Variants in NUP107 observed in about 807,000 individuals in gnomAD.
The protein encoded by NUP107 is nucleoporin 107, also known as nuclear pore complex protein Nup107.
In NUP107, 101 loss-of-function variants were observed where a neutral mutation model predicts 141.0. That is an observed-to-expected ratio of 0.72 (90% CI 0.61 to 0.84). The LOEUF is 0.84. Among genes scored for constraint, NUP107 ranks in the 40% least tolerant of loss-of-function variants. The pLI is 0.00. For synonymous variants in NUP107, 319 were observed against 363.9 expected (o/e 0.88, Z 1.41); for missense variants, 941 against 1,102.7 (o/e 0.85, Z 2.08).
rs1878437266 is a variant in NUP107 at position 68,744,386 on chromosome 12, A to T, written c.*1924A>T. 2 of 151,866 alleles carry T rather than the reference A, an allele frequency of 1.3e-5. No homozygotes were observed. Among genetic ancestry groups the T allele is most frequent in the Non-Finnish European group, 1.5e-5 (1 of 67,966 alleles). 9.4% of individuals were successfully genotyped at this position (151,866 alleles called of 1,614,324 possible). ...TCAAATGGACTTGTTTTTAATTTTT[A>T]TTTATTTATTTATTTTTGAGACATG... On this transcript the variant is annotated 3_prime_UTR_variant, in exon 28 of 28. Coordinates refer to ENST00000229179, the MANE Select transcript of NUP107 (RefSeq NM_020401.4).
Position 68,702,731 on chromosome 12 carries a change from C to G in NUP107, c.681-5C>G. On this transcript the variant is annotated splice_region_variant and splice_polypyrimidine_tract_variant and intron_variant, in intron 7 of 27. Coordinates refer to ENST00000229179, the MANE Select transcript of NUP107 (RefSeq NM_020401.4). The stretch of plus-strand genomic sequence containing the variant: ...GCTTTTTTATTTTGTCTTATTTTTC[C>G]CCAGAGACAGAATACAGTCTGCATT... 2 of 1,529,436 alleles carry G rather than the reference C, an allele frequency of 1.3e-6. No homozygotes were observed. The highest frequency in any genetic ancestry group is 1.8e-6 in the Non-Finnish European group (2 of 1,136,356). The allele number at this position is 1,529,436 out of a possible 1,614,324, so 94.7% of individuals were successfully genotyped here.
chr12:68,737,427 TGTG>T lies in NUP107; in HGVS notation c.2502+2090_2502+2092del, dbSNP rs374438440. On this transcript the variant is annotated intron_variant, in intron 26 of 27. Coordinates refer to ENST00000229179, the MANE Select transcript of NUP107 (RefSeq NM_020401.4). ...TAAAAATACAAAAAAATTAGCCTGGTGTGGTGGTGCATGCCTGTAGTCCCAGCT... is the reference window on the plus strand; with the variant it reads ...TAAAAATACAAAAAAATTAGCCTGGTGTGGTGCATGCCTGTAGTCCCAGCT... 3.7e-3 allele frequency among the ~76,000 whole-genome samples: 560 copies of T among 151,790 alleles called. 3 individuals are homozygous for T. The highest frequency in any genetic ancestry group is 0.013 in the African/African-American group (543 of 41,408).
chr12:68,727,341 TC>T lies in NUP107; in HGVS notation c.1696-8del. 6.9e-7 allele frequency: 1 copy of T among 1,440,346 alleles called. No homozygotes were observed. Among genetic ancestry groups the T allele is most frequent in the Non-Finnish European group, 9.7e-7 (1 of 1,034,646 alleles). 89.2% of individuals were successfully genotyped at this position (1,440,346 alleles called of 1,614,324 possible). On this transcript the variant is annotated splice_polypyrimidine_tract_variant and intron_variant, in intron 19 of 27. Transcript: ENST00000229179. ...GTGTATTTATAATTATGTCTTTTTT[TC>T]CTATGAAGGAGGAAGTTTCTATTGA...
At chr12:68,718,566 A>G (rs1232939886) in intron 12 of NUP107, among the ~76,000 whole-genome samples, 1 of 152,124 alleles carries the variant, frequency 6.6e-6, no homozygotes, top group Non-Finnish European at 1.5e-5. Flanking sequence ...TTCTAGCAGA[A>G]TTAAATGCCA....
intron 5 of NUP107, among the ~76,000 whole-genome samples, chr12:68,694,890 G>A (rs1041636744): frequency 1.3e-5 from 2 of 152,064 alleles, no homozygotes; most frequent in Non-Finnish European, 2.9e-5. Flanking sequence ...CAACAAGAGC[G>A]AAACTTCATC....
intron 5 of NUP107, 142 bp downstream of exon 5, chr12:68,692,254 C>A: frequency 1.2e-6 from 1 of 859,838 alleles, no homozygotes; most frequent in Non-Finnish European, 1.7e-6. Context: ...GCTTAAACAA[C>A]AGATTTTTGT....
At chr12:68,713,843 G>T in intron 11 of NUP107, 35 bp downstream of exon 11, 3 of 1,534,816 alleles carry the variant, frequency 2.0e-6, no homozygotes, top group Non-Finnish European at 2.7e-6. Flanking sequence ...TGCCTTCAAA[G>T]TTAACTGATT....
intron 7 of NUP107, among the ~76,000 whole-genome samples, chr12:68,701,686 A>T (rs1223833557): frequency 5.9e-5 from 9 of 152,124 alleles, no homozygotes; most frequent in East Asian, 1.9e-4. Context: ...CTCAAAAAAA[A>T]AATAATAATT....
chr12:68,741,226 A>G (rs1878307449), intron 26 of NUP107, among the ~76,000 whole-genome samples: 1 of 152,130 alleles, frequency 6.6e-6, no homozygotes, highest in Non-Finnish European at 1.5e-5. Context: ...ATGTATGTAT[A>G]AAGGAATGCC....
chr12:68,721,188 T>A lies in NUP107; in HGVS notation c.1311+11T>A, dbSNP rs546991412. ...GGGAATCTTAAGCAGGTATGCAATC[T>A]GTTTTAATGTTTAAATTTTTTCTGT... is the stretch of plus-strand genomic sequence containing the variant. On this transcript the variant is annotated intron_variant, in intron 15 of 27. Coordinates refer to ENST00000229179, the MANE Select transcript of NUP107 (RefSeq NM_020401.4). The A allele has an allele frequency of 6.3e-7, 1 of 1,575,706 alleles. No homozygotes were observed. The highest frequency in any genetic ancestry group is 1.1e-5 in the South Asian group (1 of 87,390).
intron 9 of NUP107, 84 bp from the exon 10 acceptor site, chr12:68,709,921 A>T: frequency 3.9e-6 from 3 of 763,640 alleles, no homozygotes; most frequent in Non-Finnish European, 4.4e-6. Context: ...AAACTGTTTG[A>T]ATTAAGGGTA....
intron 17 of NUP107, among the ~76,000 whole-genome samples, chr12:68,722,832 G>A (rs1368295610): frequency 6.6e-6 from 1 of 151,892 alleles, no homozygotes; most frequent in Non-Finnish European, 1.5e-5. Context: ...AATAATGTAT[G>A]ATTTATTTTA....
intron 7 of NUP107, among the ~76,000 whole-genome samples, chr12:68,701,268 A>G (rs1332277552): frequency 6.6e-6 from 1 of 152,238 alleles, no homozygotes; most frequent in East Asian, 1.9e-4. Flanking sequence ...TGAGAAATAT[A>G]TACAACCACA....
chr12:68,711,595 T>A (rs993943115), intron 10 of NUP107, among the ~76,000 whole-genome samples: 2 of 151,060 alleles, frequency 1.3e-5, no homozygotes, highest in African/African-American at 4.9e-5. Flanking sequence ...CTACTTTAAA[T>A]TGAAGAGAAG....
intron 14 of NUP107, 58 bp downstream of exon 14, chr12:68,719,712 A>G (rs1877275256): frequency 4.1e-6 from 5 of 1,210,708 alleles, no homozygotes; most frequent in South Asian, 2.5e-5. Flanking sequence ...TTGAAAGCCT[A>G]TTCAGGGGCT....
At chr12:68,725,829 T>G (rs770671517) in intron 18 of NUP107, 33 bp downstream of exon 18, 6 of 1,015,050 alleles carry the variant, frequency 5.9e-6, no homozygotes, top group South Asian at 3.0e-5. Flanking sequence ...TTTGTGTTTT[T>G]TGTGTGTGTT....
At position 68,721,900 on chromosome 12, in the gene NUP107, G is replaced by T; in HGVS notation, c.1371G>T (p.Val457=). 1 of 1,614,036 alleles carries T rather than the reference G, an allele frequency of 6.2e-7. No homozygotes were observed. Among genetic ancestry groups the T allele is most frequent in the Non-Finnish European group, 8.5e-7 (1 of 1,179,950 alleles). Residue 457 remains valine, a synonymous_variant, in exon 16 of 28, where the codon GTG becomes GTT. Coordinates refer to ENST00000229179, the MANE Select transcript of NUP107 (RefSeq NM_020401.4). The part of the protein sequence containing the change: ...DTVWAYFRVM[V]DSLVEQEIQT... ...TTTGGGCCTACTTCCGGGTGATGGT[G>T]GACAGTCTGGTAGAACAGGAGATCC...
intron 2 of NUP107, 47 bp from the exon 3 acceptor site, chr12:68,689,486 A>G (rs747465533): frequency 5.7e-6 from 6 of 1,045,666 alleles, no homozygotes; most frequent in Non-Finnish European, 7.2e-6. Flanking sequence ...TTCTCATTTT[A>G]GTGATCTCTT....
intron 23 of NUP107, among the ~76,000 whole-genome samples, chr12:68,733,096 TTATC>T (rs142332576): frequency 0.034 from 5,192 of 152,316 alleles, 130 homozygotes; most frequent in African/African-American, 0.06. Flanking sequence ...CAGCCACTCT[TTATC>T]TATCAAACCT....
Sources: allele counts gnomAD v4.1 joint callset (sites outside exome capture counted in the v4.1 genomes callset), GRCh38; gene constraint gnomAD v4.1.1; transcripts MANE v1.5; gene names NCBI Gene and HGNC (gene_info 2026-07-23, HGNC 2026-07-21).